CNTLN: variants seen among roughly 807,000 people sequenced by gnomAD.
CNTLN encodes centlein, centrosomal protein.
Under a neutral mutation model 180.0 loss-of-function variants are expected in CNTLN, and 212 were observed. The observed-to-expected ratio is 1.18, with a 90% CI of 1.05 to 1.32. The LOEUF is 1.32. CNTLN is among the 40% of genes most tolerant of loss of function. CNTLN has a pLI of 0.00. For synonymous variants in CNTLN, 722 were observed against 563.1 expected, an observed-to-expected ratio of 1.28 and a Z score of -3.99; for missense variants, 2,095 against 1,610.9, an observed-to-expected ratio of 1.30 and a Z score of -5.14.
intron 5 of CNTLN, among the ~76,000 whole-genome samples, chr9:17,258,701 T>C (rs375076300): frequency 6.8e-6 from 1 of 147,402 alleles, no homozygotes; most frequent in Non-Finnish European, 1.5e-5. Context: ...TCCCTTGTAA[T>C]TTGGATTCCT....
Position 17,135,330 on chromosome 9 carries a change from C to T in CNTLN, c.265C>T (p.Leu89=). The T allele has an allele frequency of 1.2e-6, 2 of 1,602,580 alleles. No individual in the cohort carries two copies. The highest frequency in any genetic ancestry group is 1.1e-5 in the South Asian group (1 of 88,576). ...CAGCGCGCCCATGGGGTCCAGACGG[C>T]TAGAGGGCATCTCGGTAGAGGAGGC... ...LLSAPMGSRR[L]EGISVEEAMV... The change falls in exon 1 of 26, where the codon CTA becomes TTA. Residue 89 remains leucine (L), a synonymous_variant. Coordinates refer to ENST00000380647, the MANE Select transcript of CNTLN (RefSeq NM_017738.4).
At chr9:17,298,410 T>A (rs548976270) in intron 7 of CNTLN, 58 bp downstream of exon 7, 36 of 1,368,790 alleles carry the variant, frequency 2.6e-5, no homozygotes, top group Middle Eastern at 2.2e-4. Flanking sequence ...TATGAACATA[T>A]ATAGAATTCA....
intron 2 of CNTLN, among the ~76,000 whole-genome samples, chr9:17,194,167 A>T (rs1199230569): frequency 6.6e-6 from 1 of 152,178 alleles, no homozygotes; most frequent in Non-Finnish European, 1.5e-5. Flanking sequence ...AACCTCTGAC[A>T]TGCCCTGGAG....
chr9:17,435,001 T>C (rs1829676196), intron 18 of CNTLN, among the ~76,000 whole-genome samples: 1 of 152,190 alleles, frequency 6.6e-6, no homozygotes, highest in Non-Finnish European at 1.5e-5. Context: ...TTATTAAAAG[T>C]TGGCTTTTAA....
chr9:17,499,868 T>C (rs1227586460), intron 25 of CNTLN, among the ~76,000 whole-genome samples: 1 of 152,184 alleles, frequency 6.6e-6, no homozygotes, highest in Non-Finnish European at 1.5e-5. Flanking sequence ...CCATAAGGTA[T>C]AAACAGCAAG....
At chr9:17,420,600 G>T (rs1342037946) in intron 18 of CNTLN, among the ~76,000 whole-genome samples, 1 of 150,758 alleles carries the variant, frequency 6.6e-6, no homozygotes, top group Non-Finnish European at 1.5e-5. Flanking sequence ...ACTAATTTTG[G>T]GTTTGGTTTG....
intron 7 of CNTLN, among the ~76,000 whole-genome samples, chr9:17,305,389 T>C (rs556036156): frequency 1.4e-3 from 211 of 152,294 alleles, no homozygotes; most frequent in Non-Finnish European, 2.3e-3. Context: ...AAAGAAGTTA[T>C]AGAGAAAAGA....
At chr9:17,300,938 T>G in intron 7 of CNTLN, 6 of 975,608 alleles carry the variant, frequency 6.2e-6, no homozygotes, top group Non-Finnish European at 7.3e-6. Flanking sequence ...TCCTTTATTC[T>G]ACAACTCTTA....
chr9:17,311,715 A>C (rs1316725691), intron 8 of CNTLN, among the ~76,000 whole-genome samples: 4 of 152,054 alleles, frequency 2.6e-5, no homozygotes, highest in Non-Finnish European at 5.9e-5. Flanking sequence ...AGGCTGAGGC[A>C]GGAGAATTGC....
chr9:17,229,642 G>A (rs1824689888), intron 3 of CNTLN, among the ~76,000 whole-genome samples: 1 of 152,028 alleles, frequency 6.6e-6, no homozygotes, highest in South Asian at 2.1e-4. Context: ...ACATTATGAA[G>A]GGTAATCTGC....
chr9:17,349,595 A>AT (rs1213326221), intron 12 of CNTLN, among the ~76,000 whole-genome samples: 3 of 152,194 alleles, frequency 2.0e-5, no homozygotes, highest in Non-Finnish European at 4.4e-5. Context: ...AGTTTCTACC[A>AT]TTGAGTATGG....
intron 15 of CNTLN, among the ~76,000 whole-genome samples, chr9:17,408,026 C>T (rs1323492685): frequency 2.0e-5 from 3 of 146,994 alleles, no homozygotes; most frequent in African/African-American, 7.5e-5. Flanking sequence ...ACTCGGGAGG[C>T]TGAGGCAGGA....
chr9:17,512,361 C>T, the CNTLN span, among the ~76,000 whole-genome samples: 2 of 152,184 alleles, frequency 1.3e-5, no homozygotes, highest in African/African-American at 2.4e-5. Context: ...ACATCATTTC[C>T]TTTGCAGCAA....
At chr9:17,527,419 A>G in the CNTLN span, among the ~76,000 whole-genome samples, 1 of 152,254 alleles carries the variant, frequency 6.6e-6, no homozygotes, top group Non-Finnish European at 1.5e-5. Flanking sequence ...TTAAATAGAT[A>G]GAAGCTCTCA....
chr9:17,166,585 C>T (rs913391904), intron 2 of CNTLN, among the ~76,000 whole-genome samples: 8 of 152,016 alleles, frequency 5.3e-5, no homozygotes, highest in Admixed American at 2.6e-4. Flanking sequence ...GATCATGAAA[C>T]CTCTTAGAGG....
At chr9:17,211,612 G>A (rs906182859) in intron 2 of CNTLN, among the ~76,000 whole-genome samples, 1 of 152,160 alleles carries the variant, frequency 6.6e-6, no homozygotes, top group Non-Finnish European at 1.5e-5. Context: ...GTAGCTTGAT[G>A]GGGATGGCAT....
chr9:17,311,898 AAAG>A (rs1181904337), intron 8 of CNTLN, among the ~76,000 whole-genome samples: 19 of 152,300 alleles, frequency 1.2e-4, no homozygotes, highest in East Asian at 9.7e-4. Flanking sequence ...CAAGTTTCAT[AAAG>A]AAGAAGTTGG....
intron 2 of CNTLN, among the ~76,000 whole-genome samples, chr9:17,177,501 G>A (rs527607053): frequency 5.3e-5 from 8 of 152,242 alleles, no homozygotes; most frequent in African/African-American, 1.7e-4. Flanking sequence ...AAGAAGCTGC[G>A]GACCCTTGTG....
chr9:17,403,748 A>G (rs1827164894), intron 15 of CNTLN, among the ~76,000 whole-genome samples: 1 of 151,644 alleles, frequency 6.6e-6, no homozygotes, highest in Non-Finnish European at 1.5e-5. Flanking sequence ...CCTAGTCAGC[A>G]TTTTCCCAGA....
Sources: gnomAD v4.1 joint callset for allele counts (sites outside exome capture counted in the v4.1 genomes callset) on GRCh38, gnomAD v4.1.1 for gene constraint, MANE v1.5 for transcripts, NCBI Gene and HGNC (gene_info 2026-07-23, HGNC 2026-07-21) for gene names.